The following ZFAND2A variants were observed in gnomAD, a reference collection of about 807,000 sequenced individuals.
The protein encoded by ZFAND2A is AN1-type zinc finger protein 2A.
In ZFAND2A, 20 loss-of-function variants were observed where a neutral mutation model predicts 11.6. That is an observed-to-expected ratio of 1.72 (90% confidence interval 1.21 to 2.50). The LOEUF (loss-of-function observed/expected upper bound fraction) is 2.50. Ranked by LOEUF, ZFAND2A falls within the 30% of genes most tolerant of loss-of-function variation. ZFAND2A has a pLI of 0.00. For synonymous variants in ZFAND2A, 93 were observed against 60.6 expected (o/e 1.54, Z -2.48); for missense variants, 234 against 182.9 (o/e 1.28, Z -1.61).
In ZFAND2A at chr7:1,158,163, T is replaced by G. The variant is rs769306205; in HGVS notation, c.50A>C (p.Gln17Pro). 1 of 1,614,158 alleles carries G rather than the reference T, an allele frequency of 6.2e-7. No individual in the cohort carries two copies. The highest frequency in any genetic ancestry group is 1.1e-5 in the South Asian group (1 of 91,078). The change falls in exon 2 of 5, where the codon CAG becomes CCG. Residue 17 changes from glutamine (Q) to proline (P), a missense_variant. Physicochemically the swap from Gln to Pro is moderately conservative, Grantham distance 76. Transcript: ENST00000316495. ...GKHCSEKTCK[Q>P]LDFLPVKCDA... is the part of the protein sequence containing the mutation. ...AGTCTCTTAAAAGTACTCACCTAGC[T>G]GCTTGCAAGTCTTTTCTGAACAATG...
downstream of ZFAND2A, among the ~76,000 whole-genome samples, chr7:1,151,762 T>A (rs537520983): frequency 3.3e-4 from 29 of 87,168 alleles, 1 homozygote; most frequent in South Asian, 1.8e-3. Context: ...TCATCCCTTT[T>A]AAAAAAAAAA....
At chr7:1,153,881 C>T (rs1793457690) in intron 4 of ZFAND2A, among the ~76,000 whole-genome samples, 1 of 152,030 alleles carries the variant, frequency 6.6e-6, no homozygotes, top group East Asian at 1.9e-4. Context: ...GCAGAGGCGG[C>T]AGTGAGCTGA....
At chr7:1,152,079 G>A (rs767785286), downstream of ZFAND2A, 473 of 807,176 alleles carry the variant, frequency 5.9e-4, 5 homozygotes, top group Middle Eastern at 3.8e-4. Context: ...GCTGGAGCGA[G>A]CTGCTTCTGT....
chr7:1,154,604 CA>C (rs1166017324), intron 4 of ZFAND2A, among the ~76,000 whole-genome samples: 1 of 152,220 alleles, frequency 6.6e-6, no homozygotes, highest in Non-Finnish European at 1.5e-5. Flanking sequence ...GAGAGCTAGA[CA>C]GGGCCAGAAA....
At chr7:1,152,415 G>A (rs1425619488), downstream of ZFAND2A, 1 of 1,449,074 alleles carries the variant, frequency 6.9e-7, no homozygotes, top group Non-Finnish European at 9.2e-7. Flanking sequence ...GCTTCCTGCA[G>A]GTAAGCAACT....
At chr7:1,149,717 C>T (rs1434947324), downstream of ZFAND2A, among the ~76,000 whole-genome samples, 91 of 152,346 alleles carry the variant, frequency 6.0e-4, no homozygotes, top group Admixed American at 5.9e-3. Context: ...AGTGCTACTG[C>T]GCTGAATGCT....
intron 1 of ZFAND2A, among the ~76,000 whole-genome samples, chr7:1,158,823 A>ACTCGAGAGAGAATCAAGGGG (rs1793598077): frequency 6.6e-6 from 1 of 152,030 alleles, no homozygotes; most frequent in Non-Finnish European, 1.5e-5. Context: ...AAACTACCGC[A>ACTCGAGAGAGAATCAAGGGG]CTCGAGAGAG....
downstream of ZFAND2A, among the ~76,000 whole-genome samples, chr7:1,149,466 C>T (rs956459040): frequency 3.9e-5 from 6 of 152,168 alleles, no homozygotes; most frequent in Admixed American, 6.5e-5. Context: ...AGCACCCTCC[C>T]GTAAGGAGCC....
At chr7:1,154,371 G>A (rs1408578442) in intron 4 of ZFAND2A, among the ~76,000 whole-genome samples, 1 of 152,158 alleles carries the variant, frequency 6.6e-6, no homozygotes, top group East Asian at 1.9e-4. Context: ...GTGCAGGGAT[G>A]CAGGCAGAAC....
chr7:1,157,607 C>A, intron 3 of ZFAND2A, 49 bp downstream of exon 3: 2 of 1,524,178 alleles, frequency 1.3e-6, no homozygotes, highest in Non-Finnish European at 1.8e-6. Context: ...CAAGACAGTG[C>A]AGCTTCAGAC....
chr7:1,159,413 T>C (rs1203875313), intron 1 of ZFAND2A, among the ~76,000 whole-genome samples: 1 of 152,078 alleles, frequency 6.6e-6, no homozygotes, highest in Non-Finnish European at 1.5e-5. Flanking sequence ...GACCCGGTAC[T>C]ACGGCCCCGA....
At chr7:1,155,673 T>C in intron 3 of ZFAND2A, 89 bp from the exon 4 acceptor site, 2 of 1,513,474 alleles carry the variant, frequency 1.3e-6, no homozygotes, top group South Asian at 1.3e-5. Context: ...GCGGCACACT[T>C]AAACACAAAG....
At chr7:1,155,688 G>C in intron 3 of ZFAND2A, 104 bp from the exon 4 acceptor site, 3 of 1,446,428 alleles carry the variant, frequency 2.1e-6, no homozygotes, top group Non-Finnish European at 2.8e-6. Flanking sequence ...ACAAAGAGAG[G>C]ACAAAAACCG....
Position 1,153,351 on chromosome 7 carries a change from G to A in ZFAND2A, c.283-127C>T, listed in dbSNP as rs185742886. The stretch of plus-strand genomic sequence containing the variant: ...CAACCTCTGCCTCCTGGACTCAAGT[G>A]ATTCTCCTGCTTCAGCCTAGTACCT... On this transcript the variant is annotated intron_variant, in intron 4 of 4. Transcript: ENST00000316495. The A allele has an allele frequency of 9.9e-6, 10 of 1,012,052 alleles. No individual in the cohort carries two copies. The East Asian group carries it at 2.1e-4, about 21-fold the overall frequency. The allele number at this position is 1,012,052 out of a possible 1,614,324, so 62.7% of individuals were successfully genotyped here.
chr7:1,152,383 G>A (rs1793415946), downstream of ZFAND2A: 2 of 1,497,122 alleles, frequency 1.3e-6, no homozygotes, highest in African/African-American at 1.4e-5. Flanking sequence ...GCCTCCATGT[G>A]CTGACCGCAA....
In ZFAND2A at chr7:1,153,241, A is replaced by G. The variant is rs763133115; in HGVS notation, c.283-17T>C. ...TGTAAAAATCTAAGAGAGCAAAGTG[A>G]CTTCAACAAGCAATTCTTTTTTTGG... On this transcript the variant is annotated splice_polypyrimidine_tract_variant and intron_variant, in intron 4 of 4. Coordinates refer to ENST00000316495, the MANE Select transcript of ZFAND2A (RefSeq NM_182491.4). 6.2e-7 allele frequency: 1 copy of G among 1,605,914 alleles called. No homozygotes were observed. Among genetic ancestry groups the G allele is most frequent in the Admixed American group, 1.7e-5 (1 of 59,796 alleles).
chr7:1,158,610 C>T (rs1029980193), intron 1 of ZFAND2A, among the ~76,000 whole-genome samples: 2 of 152,304 alleles, frequency 1.3e-5, no homozygotes, highest in African/African-American at 2.4e-5. Flanking sequence ...TTCACATAAA[C>T]AAAACTCTGT....
downstream of ZFAND2A, chr7:1,152,045 ATGC>A (rs1793408314): frequency 5.7e-6 from 3 of 523,476 alleles, no homozygotes; most frequent in South Asian, 3.9e-5. Flanking sequence ...CAGCTGTATG[ATGC>A]TGCTGCTGCC....
At chr7:1,154,321 G>A (rs767107598) in intron 4 of ZFAND2A, among the ~76,000 whole-genome samples, 1 of 152,120 alleles carries the variant, frequency 6.6e-6, no homozygotes, top group Non-Finnish European at 1.5e-5. Flanking sequence ...GCCAAGGCAG[G>A]CAGGCATGGC....
Sources: allele counts gnomAD v4.1 joint callset (sites outside exome capture counted in the v4.1 genomes callset), GRCh38; gene constraint gnomAD v4.1.1; transcripts MANE v1.5; gene names NCBI Gene and HGNC (gene_info 2026-07-23, HGNC 2026-07-21).